COL11A1: variants seen among roughly 807,000 people sequenced by gnomAD.
The protein encoded by COL11A1 is collagen type XI alpha 1 chain.
A neutral mutation model predicts 265.2 loss-of-function variants in COL11A1; 74 were observed. That is an observed-to-expected ratio of 0.28 (90% CI 0.23 to 0.34). The LOEUF (loss-of-function observed/expected upper bound fraction) is 0.34. Ranked by LOEUF, COL11A1 falls within the 10% of genes least tolerant of loss-of-function variation. COL11A1 has a pLI of 1.00. For synonymous variants in COL11A1, 816 were observed against 727.6 expected, an observed-to-expected ratio of 1.12 and a Z score of -1.96; for missense variants, 2,165 against 2,263.6, an observed-to-expected ratio of 0.96 and a Z score of 0.88.
chr1:103,082,191 C>G (rs1331345096), intron 2 of COL11A1, among the ~76,000 whole-genome samples: 3 of 151,886 alleles, frequency 2.0e-5, no homozygotes, highest in Non-Finnish European at 2.9e-5. Flanking sequence ...AAACTGCCAG[C>G]TGATATTTTA....
At chr1:102,929,472 C>T (rs549764721) in intron 46 of COL11A1, among the ~76,000 whole-genome samples, 2,074 of 152,016 alleles carry the variant, frequency 0.014, 58 homozygotes, top group African/African-American at 0.048. Flanking sequence ...GGTACCAGTA[C>T]CATGCTGTTT....
intron 30 of COL11A1, among the ~76,000 whole-genome samples, chr1:102,987,128 G>A (rs1467335277): frequency 1.3e-5 from 2 of 151,848 alleles, no homozygotes; most frequent in Admixed American, 6.6e-5. Flanking sequence ...GGCCGAGGAG[G>A]GCATAGAAGA....
At chr1:102,880,316 G>A (rs1650073708) in intron 65 of COL11A1, among the ~76,000 whole-genome samples, 1 of 152,090 alleles carries the variant, frequency 6.6e-6, no homozygotes, top group African/African-American at 2.4e-5. Context: ...AGATTAGCTG[G>A]TTTTATGTTG....
At chr1:103,071,764 G>A (rs1671609298) in intron 4 of COL11A1, among the ~76,000 whole-genome samples, 1 of 150,786 alleles carries the variant, frequency 6.6e-6, no homozygotes, top group Admixed American at 6.6e-5. Flanking sequence ...GAAATGTCAT[G>A]GTTGTAAAAT....
intron 4 of COL11A1, among the ~76,000 whole-genome samples, chr1:103,036,140 G>T (rs1158911423): frequency 6.6e-6 from 1 of 151,282 alleles, no homozygotes; most frequent in Non-Finnish European, 1.5e-5. Context: ...TTTTCTCCTA[G>T]CTTTGCCATT....
chr1:103,087,351 C>CT (rs1258447834), intron 1 of COL11A1, among the ~76,000 whole-genome samples: 1 of 152,198 alleles, frequency 6.6e-6, no homozygotes, highest in African/African-American at 2.4e-5. Flanking sequence ...GGGTTCCATA[C>CT]TTTTTCCCAT....
chr1:103,021,724 G>A lies in COL11A1; in HGVS notation c.1291C>T (p.Pro431Ser), dbSNP rs748116360. 1.2e-6 allele frequency: 2 copies of A among 1,612,520 alleles called. No individual in the cohort carries two copies. Among genetic ancestry groups the A allele is most frequent in the South Asian group, 2.2e-5 (2 of 91,040 alleles). ...CTACTTACAGGCTCAACCACTGCTG[G>A]TTCTCCTTTCTGTCCTTTCTCTCCA... ...AYGEKGQKGE[P>S]AVVEPGMLVE... The change falls in exon 9 of 67, where the codon CCA (proline) becomes TCA (serine). Residue 431 changes from proline to serine, a missense_variant. Physicochemically the swap from Pro to Ser is moderately conservative, Grantham distance 74. Coordinates refer to ENST00000370096, the MANE Select transcript of COL11A1 (RefSeq NM_001854.4).
At chr1:103,048,558 C>T (rs1669510645) in intron 4 of COL11A1, among the ~76,000 whole-genome samples, 1 of 152,012 alleles carries the variant, frequency 6.6e-6, no homozygotes, top group African/African-American at 2.4e-5. Context: ...AGCTCCTGGA[C>T]TCACTGATTT....
At chr1:103,048,887 G>T (rs181692742) in intron 4 of COL11A1, among the ~76,000 whole-genome samples, 1 of 152,284 alleles carries the variant, frequency 6.6e-6, no homozygotes, top group East Asian at 1.9e-4. Context: ...AGGTTGTTCA[G>T]TTTCCATGTA....
chr1:103,099,466 G>GAT (rs71097906), intron 1 of COL11A1, among the ~76,000 whole-genome samples: 10,856 of 146,652 alleles, frequency 0.074, 1,169 homozygotes, highest in African/African-American at 0.24. Flanking sequence ...TATATATATG[G>GAT]ATATATATAT....
chr1:102,979,787 T>A (rs1418291708), intron 31 of COL11A1, among the ~76,000 whole-genome samples: 1 of 152,114 alleles, frequency 6.6e-6, no homozygotes, highest in African/African-American at 2.4e-5. Context: ...TAAAGAAAAA[T>A]CCTATTTTCA....
chr1:102,902,210 T>C (rs1444174256), intron 54 of COL11A1, among the ~76,000 whole-genome samples: 1 of 152,180 alleles, frequency 6.6e-6, no homozygotes, highest in African/African-American at 2.4e-5. Flanking sequence ...CTTAGGCCAG[T>C]AGCTAAGCAT....
chr1:103,098,304 A>T (rs754787471), intron 1 of COL11A1, among the ~76,000 whole-genome samples: 1 of 151,960 alleles, frequency 6.6e-6, no homozygotes, highest in African/African-American at 2.4e-5. Context: ...TATGATGAAT[A>T]GCCTTTCACT....
At chr1:102,947,275 T>C (rs1659394118) in intron 41 of COL11A1, among the ~76,000 whole-genome samples, 1 of 152,150 alleles carries the variant, frequency 6.6e-6, no homozygotes, top group Non-Finnish European at 1.5e-5. Context: ...CAATGCTTTA[T>C]AAAAAATATA....
At chr1:103,038,726 G>A (rs1208845293) in intron 4 of COL11A1, among the ~76,000 whole-genome samples, 1 of 152,154 alleles carries the variant, frequency 6.6e-6, no homozygotes, top group African/African-American at 2.4e-5. Context: ...CAGCAAAAGG[G>A]AGGATAATTT....
chr1:103,105,704 A>G (rs191979063), intron 1 of COL11A1, among the ~76,000 whole-genome samples: 1 of 152,302 alleles, frequency 6.6e-6, no homozygotes, highest in East Asian at 1.9e-4. Flanking sequence ...TCTTACTTCA[A>G]CCACAAATCT....
intron 41 of COL11A1, among the ~76,000 whole-genome samples, chr1:102,952,248 G>A (rs940935751): frequency 1.3e-5 from 2 of 151,852 alleles, no homozygotes; most frequent in East Asian, 1.9e-4. Context: ...ACAGGCACCC[G>A]CCACCACGTC....
In COL11A1 at chr1:102,914,358, G is replaced by T; in HGVS notation, c.3972C>A (p.Gly1324=). ...PGDPGPPGEP[G]PAGQDGVGGD... is the part of the protein sequence containing the mutation. ...ATTTTTCCCTGATACTTACTGCAGG[G>T]CCAGGTTCCCCAGGAGGACCAGGAT... The change falls in exon 52 of 67, where the codon GGC becomes GGA. Residue 1324 remains glycine (G), a synonymous_variant. Coordinates refer to ENST00000370096, the MANE Select transcript of COL11A1 (RefSeq NM_001854.4). 6.2e-7 allele frequency: 1 copy of T among 1,606,492 alleles called. No homozygotes were observed.
Position 102,940,449 on chromosome 1 carries a change from C to A in COL11A1, c.3277-15G>T. 6.3e-7 allele frequency: 1 copy of A among 1,580,532 alleles called. No homozygotes were observed. Among genetic ancestry groups the A allele is most frequent in the Non-Finnish European group, 8.7e-7 (1 of 1,150,260 alleles). On this transcript the variant is annotated splice_polypyrimidine_tract_variant and intron_variant, in intron 42 of 66. Transcript: ENST00000370096. ...CCTTTTTCTCCCTGTATTGAATATCCAAAGATCATTAATTTTACAGTTTTG... is the reference window on the plus strand; with the variant it reads ...CCTTTTTCTCCCTGTATTGAATATCAAAAGATCATTAATTTTACAGTTTTG...
Sources: allele counts gnomAD v4.1 joint callset (sites outside exome capture counted in the v4.1 genomes callset), GRCh38; gene constraint gnomAD v4.1.1; transcripts MANE v1.5; gene names NCBI Gene and HGNC (gene_info 2026-07-23, HGNC 2026-07-21).